HEG1: variants seen among roughly 807,000 people sequenced by gnomAD.
HEG1 encodes the protein heart development protein with EGF like domains 1.
Under a neutral mutation model 125.6 loss-of-function variants are expected in HEG1, and 56 were observed. The ratio of observed to expected loss-of-function variants is 0.45; its 90% CI spans 0.36 to 0.56. The LOEUF is 0.56. HEG1 is among the 20% of genes least tolerant of loss of function. HEG1 has a pLI of 0.00. For missense variants in HEG1, 1,523 were observed against 1,670.0 expected, an observed-to-expected ratio of 0.91 and a Z score of 1.53; for synonymous variants, 644 against 668.5, an observed-to-expected ratio of 0.96 and a Z score of 0.57.
At chr3:125,035,500 G>A (rs1244405060) in intron 1 of HEG1, among the ~76,000 whole-genome samples, 1 of 152,034 alleles carries the variant, frequency 6.6e-6, no homozygotes. Context: ...AAAAGACAGT[G>A]GATAAATATT....
At chr3:125,021,393 T>C (rs1937333810) in intron 3 of HEG1, among the ~76,000 whole-genome samples, 1 of 152,044 alleles carries the variant, frequency 6.6e-6, no homozygotes, top group Non-Finnish European at 1.5e-5. Context: ...TATACGTTGT[T>C]TGCATTATTT....
At chr3:125,047,767 G>C (rs542486106) in intron 1 of HEG1, among the ~76,000 whole-genome samples, 2 of 152,280 alleles carry the variant, frequency 1.3e-5, no homozygotes, top group African/African-American at 4.8e-5. Flanking sequence ...CCCTGCACTA[G>C]GAACCTCCCT....
chr3:124,990,787 G>A lies in HEG1; in HGVS notation c.3733C>T (p.Pro1245Ser), dbSNP rs1454122493. 3.8e-6 allele frequency: 6 copies of A among 1,560,632 alleles called. No homozygotes were observed. Among genetic ancestry groups the A allele is most frequent in the Non-Finnish European group, 4.3e-6 (5 of 1,151,666 alleles). ...TAATGGTCCACTTTTGTACACTTACGGTTTCCACAGTTGAGACCACCAAGG... is the reference window on the plus strand; with the variant it reads ...TAATGGTCCACTTTTGTACACTTACAGTTTCCACAGTTGAGACCACCAAGG... ...FGLGGLNCGN[P>S]YQLITVVIAA... The change falls in exon 14 of 17, where the codon CCC (proline) becomes TCC (serine). Residue 1245 changes from proline (P) to serine (S), a missense_variant and splice_region_variant. Transcript: ENST00000311127.
At chr3:125,030,096 G>A (rs1368604301) in intron 1 of HEG1, among the ~76,000 whole-genome samples, 1 of 152,206 alleles carries the variant, frequency 6.6e-6, no homozygotes, top group African/African-American at 2.4e-5. Context: ...GGGTCAGAGA[G>A]GGGATTAGAG....
intron 15 of HEG1, among the ~76,000 whole-genome samples, chr3:124,974,983 A>T (rs573805323): frequency 3.9e-4 from 60 of 152,308 alleles, no homozygotes; most frequent in African/African-American, 1.4e-3. Context: ...TGGGTACACC[A>T]CACAGTACAG....
rs77127058 is a variant in HEG1 at position 125,050,554 on chromosome 3, C to G, written c.316+5021G>C. ...ACTATCCAGCCCCCAGTGGTCTCCA[C>G]GTCTGCATGCAGCAGCCCATTTCCA... On this transcript the variant is annotated intron_variant, in intron 1 of 16. Coordinates refer to ENST00000311127, the MANE Select transcript of HEG1 (RefSeq NM_020733.2). Among the ~76,000 whole-genome samples, 870 of 152,342 alleles carry G rather than the reference C, an allele frequency of 5.7e-3. 8 individuals are homozygous for G. The highest frequency in any genetic ancestry group is 0.019 in the African/African-American group (806 of 41,582).
At chr3:124,987,474 C>G (rs190073869) in intron 14 of HEG1, among the ~76,000 whole-genome samples, 98 of 151,676 alleles carry the variant, frequency 6.5e-4, no homozygotes, top group Admixed American at 2.4e-3. Context: ...TGATACAGGT[C>G]TGCTGCACTT....
At chr3:125,042,636 G>A (rs1409595818) in intron 1 of HEG1, among the ~76,000 whole-genome samples, 1 of 152,146 alleles carries the variant, frequency 6.6e-6, no homozygotes, top group Non-Finnish European at 1.5e-5. Context: ...CTGGGAGTTT[G>A]GAAGGGGCAA....
At chr3:124,988,436 C>T (rs1936778406) in intron 14 of HEG1, among the ~76,000 whole-genome samples, 1 of 152,074 alleles carries the variant, frequency 6.6e-6, no homozygotes, top group Non-Finnish European at 1.5e-5. Context: ...ATAAAAAAGC[C>T]TAAAATATGA....
chr3:125,009,167 C>T (rs951228446), intron 8 of HEG1, among the ~76,000 whole-genome samples: 4 of 152,204 alleles, frequency 2.6e-5, no homozygotes, highest in African/African-American at 9.7e-5. Context: ...AGGACAGCAG[C>T]TTTCTCAAAA....
At chr3:125,018,954 C>T (rs994680056) in intron 5 of HEG1, among the ~76,000 whole-genome samples, 1 of 151,358 alleles carries the variant, frequency 6.6e-6, no homozygotes, top group Non-Finnish European at 1.5e-5. Context: ...GCAACCTCCA[C>T]CTCCTGGGTT....
At chr3:125,054,087 T>G (rs980042808) in intron 1 of HEG1, among the ~76,000 whole-genome samples, 2 of 152,270 alleles carry the variant, frequency 1.3e-5, no homozygotes, top group Admixed American at 1.3e-4. Context: ...CAGTTCACCT[T>G]CTGTTTAGAA....
chr3:125,022,709 A>G lies in HEG1; in HGVS notation c.914-1579T>C, dbSNP rs199629866. Among the ~76,000 whole-genome samples the G allele has an allele frequency of 2.6e-3, 191 of 73,598 alleles. 2 individuals carry two copies. The East Asian group carries it at 0.048, about 18-fold the overall frequency. 48.3% of individuals were successfully genotyped at this position (73,598 alleles called of 152,430 possible). A position where few individuals can be genotyped will look rare whatever the true frequency, so the allele number is the denominator to read the frequency against. On this transcript the variant is annotated intron_variant, in intron 3 of 16. Coordinates refer to ENST00000311127, the MANE Select transcript of HEG1 (RefSeq NM_020733.2). ...TAAAAAAAAAAAGAAATAAATAAAT[A>G]AAAAGAAAAGAAAGCATTATAGATA...
chr3:124,975,968 T>C (rs1363725935), intron 15 of HEG1, among the ~76,000 whole-genome samples: 2 of 152,248 alleles, frequency 1.3e-5, no homozygotes, highest in Non-Finnish European at 1.5e-5. Context: ...GTAAATAATG[T>C]TGCTGTGAAC....
chr3:125,021,148 A>G lies in HEG1; in HGVS notation c.914-18T>C. On this transcript the variant is annotated intron_variant, in intron 3 of 16. Transcript: ENST00000311127. ...TTCAGAAGCTACAATGGAAAAAGAT[A>G]TGCTTCAAAATTACTCAGGAGTTTA... 3.3e-6 allele frequency: 5 copies of G among 1,513,612 alleles called. No homozygotes were observed. The highest frequency in any genetic ancestry group is 4.5e-6 in the Non-Finnish European group (5 of 1,121,196). 93.8% of individuals were successfully genotyped at this position (1,513,612 alleles called of 1,614,324 possible).
intron 14 of HEG1, among the ~76,000 whole-genome samples, chr3:124,986,644 A>G (rs1455739132): frequency 6.6e-6 from 1 of 152,204 alleles, no homozygotes; most frequent in Non-Finnish European, 1.5e-5. Context: ...AAAGTTACCA[A>G]ACTAAAGATA....
rs1937305319 is a variant in HEG1, at chr3:125,019,548, A to G, written c.1302T>C (p.Ser434=). 3 of 1,611,526 alleles carry G rather than the reference A, an allele frequency of 1.9e-6. No homozygotes were observed. Among genetic ancestry groups the G allele is most frequent in the African/African-American group, 1.3e-5 (1 of 74,852 alleles). The change falls in exon 5 of 17, where the codon AGT becomes AGC. Residue 434 remains serine (S), a synonymous_variant. Coordinates refer to ENST00000311127, the MANE Select transcript of HEG1 (RefSeq NM_020733.2). ...LASSSEVQNG[S]PMSQTETVSR... is the part of the protein sequence containing the mutation. ...ACACAGTCTCAGTCTGAGACATGGG[A>G]CTTCCATTTTGCACCTCAGAGCTGC...
chr3:125,027,184 AGC>A lies in HEG1; in HGVS notation c.913+19_913+20del. On this transcript the variant is annotated intron_variant, in intron 3 of 16. Coordinates refer to ENST00000311127, the MANE Select transcript of HEG1 (RefSeq NM_020733.2). Reference sequence around the variant, plus strand: ...TACTTTGAGTGACTTCCGAGTGTTAAGCTGGGTATGTGGCACTCACATGAGGA... The same window carrying A: ...TACTTTGAGTGACTTCCGAGTGTTAATGGGTATGTGGCACTCACATGAGGA... 4 of 1,555,178 alleles carry A rather than the reference AGC, an allele frequency of 2.6e-6. No homozygotes were observed. Among genetic ancestry groups the A allele is most frequent in the Non-Finnish European group, 3.5e-6 (4 of 1,151,350 alleles).
At chr3:125,001,786 G>T in intron 11 of HEG1, 66 bp downstream of exon 11, 1 of 1,539,492 alleles carries the variant, frequency 6.5e-7, no homozygotes, top group Non-Finnish European at 8.8e-7. Flanking sequence ...TGGATGCCTT[G>T]CATTTCCATC....
Sources: allele counts gnomAD v4.1 joint callset (sites outside exome capture counted in the v4.1 genomes callset), GRCh38; gene constraint gnomAD v4.1.1; transcripts MANE v1.5; gene names NCBI Gene and HGNC (gene_info 2026-07-23, HGNC 2026-07-21).